The following TYRP1 variants were observed in gnomAD, a reference collection of about 807,000 sequenced individuals.
TYRP1 encodes the protein 5,6-dihydroxyindole-2-carboxylic acid oxidase.
A neutral mutation model predicts 42.8 loss-of-function variants in TYRP1; 49 were observed. The ratio of observed to expected loss-of-function variants is 1.14; its 90% confidence interval spans 0.91 to 1.45. The LOEUF (loss-of-function observed/expected upper bound fraction) is 1.45, where lower values mean the gene tolerates loss of function less well. Ranked by LOEUF, TYRP1 falls within the 40% of genes most tolerant of loss-of-function variation. TYRP1 has a pLI of 0.00. For synonymous variants in TYRP1, 279 were observed against 235.4 expected, an observed-to-expected ratio of 1.19 and a Z score of -1.69; for missense variants, 848 against 662.0, an observed-to-expected ratio of 1.28 and a Z score of -3.08.
At chr9:12,700,864 A>G (rs1355075876) in intron 4 of TYRP1, among the ~76,000 whole-genome samples, 2 of 152,078 alleles carry the variant, frequency 1.3e-5, no homozygotes, top group African/African-American at 2.4e-5. Flanking sequence ...TGTACACTCA[A>G]TAAATAGTTT....
At chr9:12,696,678 ATC>A (rs1226069768) in intron 3 of TYRP1, among the ~76,000 whole-genome samples, 298 of 152,292 alleles carry the variant, frequency 2.0e-3, no homozygotes, top group African/African-American at 6.7e-3. Flanking sequence ...ATATTAAAGT[ATC>A]TAGTTACGTA....
At position 12,698,510 on chromosome 9, in the gene TYRP1, T is replaced by C. The variant is rs139647745; in HGVS notation, c.768T>C (p.Asn256=). 1 of 1,613,794 alleles carries C rather than the reference T, an allele frequency of 6.2e-7. No homozygotes were observed. The highest frequency in any genetic ancestry group is 8.5e-7 in the Non-Finnish European group (1 of 1,179,828). ...LPYWNFATGK[N]VCDICTDDLM... is the part of the protein sequence containing the mutation. ...ACTGGAATTTTGCAACGGGGAAAAA[T>C]GTCTGTGATATCTGCACGGATGACT... Residue 256 remains asparagine, a synonymous_variant, in exon 4 of 8, where the codon AAT becomes AAC. Coordinates refer to ENST00000388918, the MANE Select transcript of TYRP1 (RefSeq NM_000550.3).
At chr9:12,695,363 A>T in intron 2 of TYRP1, 152 bp from the exon 3 acceptor site, 1 of 698,368 alleles carries the variant, frequency 1.4e-6, no homozygotes, top group Non-Finnish European at 2.4e-6. Flanking sequence ...AAAGGGTTTT[A>T]GTTAAGGATA....
chr9:12,708,137 T>C lies in TYRP1; in HGVS notation c.1402T>C (p.Trp468Arg). The change falls in exon 7 of 8, where the codon TGG (tryptophan) becomes CGG (arginine). Residue 468 changes from tryptophan (W) to arginine (R), a missense_variant. Physicochemically the swap from Trp to Arg is moderately radical, Grantham distance 101. Transcript: ENST00000388918. ...DNLGYTYEIQ[W>R]PSREFSVPEI... ...CCTGGGATACACTTATGAAATTCAA[T>C]GGCCAAGTGAGTGTTGAAAGTGTAT... 1.9e-6 allele frequency: 3 copies of C among 1,612,616 alleles called. No homozygotes were observed. Among genetic ancestry groups the C allele is most frequent in the Non-Finnish European group, 2.5e-6 (3 of 1,179,162 alleles).
intron 1 of TYRP1, among the ~76,000 whole-genome samples, chr9:12,693,694 C>T (rs777866752): frequency 1.3e-5 from 2 of 149,988 alleles, no homozygotes; most frequent in South Asian, 2.1e-4. Context: ...AACAAAATGA[C>T]GAGGACAGGG....
At chr9:12,705,985 C>T (rs1425106951) in intron 6 of TYRP1, among the ~76,000 whole-genome samples, 4 of 151,872 alleles carry the variant, frequency 2.6e-5, no homozygotes, top group South Asian at 2.1e-4. Context: ...TTTTGAAATA[C>T]AATATGAGGG....
Position 12,694,020 on chromosome 9 carries a change from T to C in TYRP1, c.24T>C (p.Ser8=). Reference sequence around the variant, plus strand: ...GAATGAGTGCTCCTAAACTCCTCTCTCTGGGCTGTATCTTCTTCCCCTTGC... The same window carrying C: ...GAATGAGTGCTCCTAAACTCCTCTCCCTGGGCTGTATCTTCTTCCCCTTGC... MSAPKLL[S]LGCIFFPLLL... is the part of the protein sequence containing the mutation. Residue 8 remains serine (S), a synonymous_variant, in exon 2 of 8, where the codon TCT becomes TCC. Transcript: ENST00000388918. 1 of 1,614,052 alleles carries C rather than the reference T, an allele frequency of 6.2e-7. No homozygotes were observed. Among genetic ancestry groups the C allele is most frequent in the Non-Finnish European group, 8.5e-7 (1 of 1,180,000 alleles).
intron 6 of TYRP1, among the ~76,000 whole-genome samples, chr9:12,706,142 A>C (rs551787881): frequency 6.6e-6 from 1 of 152,176 alleles, no homozygotes; most frequent in Non-Finnish European, 1.5e-5. Context: ...AGTAATGAGT[A>C]AACTCAAATT....
At chr9:12,696,288 A>G (rs1231905553) in intron 3 of TYRP1, among the ~76,000 whole-genome samples, 1 of 152,092 alleles carries the variant, frequency 6.6e-6, no homozygotes, top group South Asian at 2.1e-4. Context: ...TCCCTCCAAC[A>G]TGGTATAGGG....
intron 5 of TYRP1, 41 bp from the exon 6 acceptor site, chr9:12,704,485 T>G: frequency 6.3e-7 from 1 of 1,589,736 alleles, no homozygotes; most frequent in Non-Finnish European, 8.6e-7. Context: ...AGTGAAATAT[T>G]TGCAATAGTT....
At chr9:12,702,048 C>T (rs866895621) in intron 4 of TYRP1, among the ~76,000 whole-genome samples, 1 of 151,618 alleles carries the variant, frequency 6.6e-6, no homozygotes, top group South Asian at 2.1e-4. Context: ...CTTTTTTTTC[C>T]TTCAGATACT....
rs1818067694 is a variant in TYRP1 at position 12,695,672 on chromosome 9, C to G, written c.543C>G (p.Asn181Lys). 6.2e-7 allele frequency: 1 copy of G among 1,614,076 alleles called. No individual in the cohort carries two copies. Among genetic ancestry groups the G allele is most frequent in the Non-Finnish European group, 8.5e-7 (1 of 1,180,040 alleles). The change falls in exon 3 of 8, where the codon AAC becomes AAG. Residue 181 changes from asparagine to lysine, a missense_variant. Physicochemically the swap from Asn to Lys is moderately conservative, Grantham distance 94. Coordinates refer to ENST00000388918, the MANE Select transcript of TYRP1 (RefSeq NM_000550.3). Reference sequence around the variant, plus strand: ...ATGGCAACACGCCACAATTTGAGAACATTTCCATTTATAACTACTTTGTTT... The same window carrying G: ...ATGGCAACACGCCACAATTTGAGAAGATTTCCATTTATAACTACTTTGTTT... ...GPDGNTPQFE[N>K]ISIYNYFVWT...
chr9:12,702,679 C>T (rs1469245656), intron 5 of TYRP1, among the ~76,000 whole-genome samples: 15 of 152,002 alleles, frequency 9.9e-5, no homozygotes, highest in Non-Finnish European at 1.8e-4. Flanking sequence ...ATTTCTTAAA[C>T]ACCCAAAAAC....
rs1281722137 is a variant in TYRP1 at position 12,698,636 on chromosome 9, C to T, written c.894C>T (p.Thr298=). 5.0e-6 allele frequency: 8 copies of T among 1,613,396 alleles called. 1 individual carries two copies. In the South Asian group the frequency reaches 6.6e-5, roughly 13 times the overall value. The change falls in exon 4 of 8, where the codon ACC becomes ACT. Residue 298 remains threonine (T), a synonymous_variant. Transcript: ENST00000388918. The part of the protein sequence containing the change: ...VVCDSLEDYD[T]LGTLCNSTED... The stretch of plus-strand genomic sequence containing the variant: ...GTGACTCCTTGGAAGATTATGATAC[C>T]CTGGGAACACTTTGTAACAGTAAGT...
At chr9:12,697,219 G>A (rs957904939) in intron 3 of TYRP1, among the ~76,000 whole-genome samples, 3 of 152,156 alleles carry the variant, frequency 2.0e-5, no homozygotes, top group Non-Finnish European at 4.4e-5. Context: ...GTATCTAAAA[G>A]CTTCAATTTT....
intron 5 of TYRP1, 93 bp downstream of exon 5, chr9:12,702,531 G>A: frequency 3.2e-6 from 4 of 1,244,778 alleles, no homozygotes; most frequent in South Asian, 2.6e-5. Context: ...GCTTTGAATA[G>A]TATATTAATC....
In TYRP1 at chr9:12,693,901, C is replaced by A; in HGVS notation, c.-85-11C>A. 6.4e-7 allele frequency: 1 copy of A among 1,552,452 alleles called. No homozygotes were observed. Among genetic ancestry groups the A allele is most frequent in the South Asian group, 1.1e-5 (1 of 87,996 alleles). On this transcript the variant is annotated splice_polypyrimidine_tract_variant and intron_variant, in intron 1 of 7. Coordinates refer to ENST00000388918, the MANE Select transcript of TYRP1 (RefSeq NM_000550.3). ...AACTTGCATAATCTCATTTTACTTT[C>A]TCTTTTTCAGCTGGATTTTCCTCTA... is the stretch of plus-strand genomic sequence containing the variant.
Position 12,702,264 on chromosome 9 carries a change from T to A in TYRP1, c.914-7T>A. On this transcript the variant is annotated splice_polypyrimidine_tract_variant and splice_region_variant and intron_variant, in intron 4 of 7. Coordinates refer to ENST00000388918, the MANE Select transcript of TYRP1 (RefSeq NM_000550.3). ...TAAATGTTTCCACATCCCATTTTTT[T>A]CTGCAGGCACCGAGGATGGGCCAAT... is the stretch of plus-strand genomic sequence containing the variant. 1 of 1,612,910 alleles carries A rather than the reference T, an allele frequency of 6.2e-7. No homozygotes were observed. The highest frequency in any genetic ancestry group is 8.5e-7 in the Non-Finnish European group (1 of 1,179,280).
intron 5 of TYRP1, among the ~76,000 whole-genome samples, chr9:12,703,005 G>A (rs1017116269): frequency 1.3e-5 from 2 of 151,868 alleles, no homozygotes; most frequent in Non-Finnish European, 2.9e-5. Context: ...GGAAAGTGAG[G>A]TATAAACAGG....
Sources: allele counts gnomAD v4.1 joint callset (sites outside exome capture counted in the v4.1 genomes callset), GRCh38; gene constraint gnomAD v4.1.1; transcripts MANE v1.5; gene names NCBI Gene and HGNC (gene_info 2026-07-23, HGNC 2026-07-21).